GCN1: variants seen among roughly 807,000 people sequenced by gnomAD.
GCN1 encodes the protein stalled ribosome sensor GCN1.
A neutral mutation model predicts 288.4 loss-of-function variants in GCN1; 90 were observed. That is an observed-to-expected ratio of 0.31 (90% CI 0.26 to 0.37). GCN1 has a LOEUF of 0.37. Among genes scored for constraint, GCN1 ranks in the 10% least tolerant of loss-of-function variants. GCN1 has a pLI of 1.00. For missense variants in GCN1, 2,586 were observed against 3,419.9 expected (o/e 0.76, Z 6.08); for synonymous variants, 1,386 against 1,420.2 (o/e 0.98, Z 0.54).
In GCN1 at chr12:120,137,134, G is replaced by T; in HGVS notation, c.6777+72C>A. ...TCCAGCAGCCCCTACCGCAGACCTGGGACAGGGGTAAGGGCCAGAAGGGCA... is the reference window on the plus strand; with the variant it reads ...TCCAGCAGCCCCTACCGCAGACCTGTGACAGGGGTAAGGGCCAGAAGGGCA... On this transcript the variant is annotated intron_variant, in intron 50 of 57. Coordinates refer to ENST00000300648, the MANE Select transcript of GCN1 (RefSeq NM_006836.2). This position sits in a 1 kb window ranked among gnomAD's most constrained non-coding sequence, Gnocchi z 5.2. The T allele has an allele frequency of 9.1e-7, 1 of 1,099,280 alleles. No homozygotes were observed. The allele number at this position is 1,099,280 out of a possible 1,614,324, so 68.1% of individuals were successfully genotyped here.
chr12:120,175,276 T>G, intron 11 of GCN1, 64 bp from the exon 12 acceptor site: 1 of 1,357,316 alleles, frequency 7.4e-7, no homozygotes, highest in Non-Finnish European at 1.1e-6. Flanking sequence ...GAGTGAACAA[T>G]GCAGTCACGT....
chr12:120,142,109 G>A lies in GCN1; in HGVS notation c.5829+398C>T, dbSNP rs538884239. Among the ~76,000 whole-genome samples, 57 of 152,148 alleles carry A rather than the reference G, an allele frequency of 3.7e-4. No individual in the cohort carries two copies. The highest frequency in any genetic ancestry group is 1.3e-3 in the African/African-American group (55 of 41,494). On this transcript the variant is annotated intron_variant, in intron 44 of 57. Transcript: ENST00000300648. This position sits in a 1 kb window ranked among gnomAD's most constrained non-coding sequence, Gnocchi z 4.9. ...TGGGAGGCCGAGACGGGCGCATCAC[G>A]AGGTCAGGAGATCGAGACCGTCCTG...
At chr12:120,182,862 C>T (rs1418194649) in intron 5 of GCN1, among the ~76,000 whole-genome samples, 1 of 151,698 alleles carries the variant, frequency 6.6e-6, no homozygotes. Flanking sequence ...AACGCTTGAA[C>T]CCAGGAGGCA....
chr12:120,193,729 T>C (rs890620400), intron 1 of GCN1, among the ~76,000 whole-genome samples: 1 of 152,226 alleles, frequency 6.6e-6, no homozygotes, highest in Non-Finnish European at 1.5e-5. Flanking sequence ...TCAGCATGTA[T>C]TCCCCTAACC....
At chr12:120,177,295 C>A in intron 9 of GCN1, 152 bp downstream of exon 9, 2 of 582,008 alleles carry the variant, frequency 3.4e-6, no homozygotes, top group African/African-American at 1.9e-5. Flanking sequence ...GCAAAAGGTC[C>A]CCAATCTCTC....
In GCN1 at chr12:120,137,160, C is replaced by A. The variant is rs1173109128; in HGVS notation, c.6777+46G>T. 1.4e-6 allele frequency: 2 copies of A among 1,400,632 alleles called. No individual in the cohort carries two copies. The highest frequency in any genetic ancestry group is 2.0e-6 in the Non-Finnish European group (2 of 986,802). The allele number at this position is 1,400,632 out of a possible 1,614,324, so 86.8% of individuals were successfully genotyped here. On this transcript the variant is annotated intron_variant, in intron 50 of 57. Transcript: ENST00000300648. The surrounding 1 kb of genome is among the most constrained non-coding windows in gnomAD (Gnocchi z 5.2). ...GACAGGGGTAAGGGCCAGAAGGGCA[C>A]AACAGACTGCACGCCCACAGCCCCC...
At chr12:120,161,742 C>G (rs569606384) in intron 21 of GCN1, 138 bp downstream of exon 21, 1 of 962,166 alleles carries the variant, frequency 1.0e-6, no homozygotes. Context: ...AGCACCGTGC[C>G]GGGGACACAA....
chr12:120,193,965 TAAC>T (rs958733872), intron 1 of GCN1, among the ~76,000 whole-genome samples: 1 of 152,184 alleles, frequency 6.6e-6, no homozygotes, highest in African/African-American at 2.4e-5. Context: ...CCTTAAAACA[TAAC>T]AACTGGGTGG....
In GCN1 at chr12:120,158,165, C is replaced by A. The variant is rs749343237; in HGVS notation, c.2906-135G>T. The A allele has an allele frequency of 4.9e-6, 4 of 810,366 alleles. No individual in the cohort carries two copies. The African/African-American group carries it at 6.9e-5, about 14-fold the overall frequency. The allele number at this position is 810,366 out of a possible 1,614,324, so 50.2% of individuals were successfully genotyped here. A position where few individuals can be genotyped will look rare whatever the true frequency, so the allele number is the denominator to read the frequency against. On this transcript the variant is annotated intron_variant, in intron 25 of 57. Coordinates refer to ENST00000300648, the MANE Select transcript of GCN1 (RefSeq NM_006836.2). The surrounding 1 kb of genome is among the most constrained non-coding windows in gnomAD (Gnocchi z 4.3). ...TTCTGACACCTGGAAGCACATGGCA[C>A]GAGGACAGAGACAGCAGCTGGTAGT...
Position 120,153,519 on chromosome 12 carries a change from G to T in GCN1, c.3868-112C>A. The T allele has an allele frequency of 2.0e-6, 2 of 1,011,244 alleles. No homozygotes were observed. The highest frequency in any genetic ancestry group is 1.4e-6 in the Non-Finnish European group (1 of 691,766). 62.6% of individuals were successfully genotyped at this position (1,011,244 alleles called of 1,614,324 possible). On this transcript the variant is annotated intron_variant, in intron 32 of 57. Coordinates refer to ENST00000300648, the MANE Select transcript of GCN1 (RefSeq NM_006836.2). This position sits in a 1 kb window ranked among gnomAD's most constrained non-coding sequence, Gnocchi z 4.4. ...AGTCTAGCTCTGGGACAGGCATCCTGACATGCCAGCCAGTGGCTCTTCCAG... is the reference window on the plus strand; with the variant it reads ...AGTCTAGCTCTGGGACAGGCATCCTTACATGCCAGCCAGTGGCTCTTCCAG...
rs1878203154 is a variant in GCN1 at position 120,168,410 on chromosome 12, CA to C, written c.1520-111del. On this transcript the variant is annotated intron_variant, in intron 15 of 57. Transcript: ENST00000300648. ...GGCTTTGCTGACAAACCCTCCTCTGCAGCAGGAGGCTCAGTGCTCTTCCATT... is the reference window on the plus strand; with the variant it reads ...GGCTTTGCTGACAAACCCTCCTCTGCGCAGGAGGCTCAGTGCTCTTCCATT... 4.1e-6 allele frequency: 3 copies of C among 728,708 alleles called. No individual in the cohort carries two copies. In the South Asian group the frequency reaches 4.5e-5, roughly 11 times the overall value. 45.1% of individuals were successfully genotyped at this position (728,708 alleles called of 1,614,324 possible).
At chr12:120,170,528 G>A (rs867053460) in intron 14 of GCN1, among the ~76,000 whole-genome samples, 11 of 152,250 alleles carry the variant, frequency 7.2e-5, no homozygotes, top group Middle Eastern at 6.8e-3. Flanking sequence ...AATCCTTATG[G>A]CCAGGTGCGG....
chr12:120,173,863 C>T, intron 13 of GCN1, 37 bp from the exon 14 acceptor site: 4 of 1,559,498 alleles, frequency 2.6e-6, no homozygotes, highest in East Asian at 2.2e-5. Context: ...AGTCCAATGT[C>T]TTATAACCAT....
chr12:120,156,093 A>T lies in GCN1; in HGVS notation c.3312+368T>A, dbSNP rs183914937. Among the ~76,000 whole-genome samples, 44 of 152,338 alleles carry T rather than the reference A, an allele frequency of 2.9e-4. No individual in the cohort carries two copies. The highest frequency in any genetic ancestry group is 2.8e-3 in the Admixed American group (43 of 15,298). On this transcript the variant is annotated intron_variant, in intron 28 of 57. Coordinates refer to ENST00000300648, the MANE Select transcript of GCN1 (RefSeq NM_006836.2). This position sits in a 1 kb window ranked among gnomAD's most constrained non-coding sequence, Gnocchi z 5.8. Reference sequence around the variant, plus strand: ...GGCTGTGGATCAGCAGGTAGGAACCACTGTCTTACCACTACAAGGGGATGC... The same window carrying T: ...GGCTGTGGATCAGCAGGTAGGAACCTCTGTCTTACCACTACAAGGGGATGC...
rs562555855 is a variant in GCN1, at chr12:120,192,647, G to T, written c.18+2033C>A. ...CTTGGGAGGCTGAGGCAGAAGAATC[G>T]CTTGAACCCGGGAGGCAGAGGTTGT... On this transcript the variant is annotated intron_variant, in intron 1 of 57. Coordinates refer to ENST00000300648, the MANE Select transcript of GCN1 (RefSeq NM_006836.2). Among the ~76,000 whole-genome samples, 90 of 151,748 alleles carry T rather than the reference G, an allele frequency of 5.9e-4. 1 individual carries two copies. Among genetic ancestry groups the T allele is most frequent in the African/African-American group, 2.1e-3 (86 of 41,364 alleles).
chr12:120,134,262 G>T lies in GCN1; in HGVS notation c.7317+29C>A. 1 of 1,467,108 alleles carries T rather than the reference G, an allele frequency of 6.8e-7. No individual in the cohort carries two copies. Among genetic ancestry groups the T allele is most frequent in the Non-Finnish European group, 9.6e-7 (1 of 1,046,606 alleles). 90.9% of individuals were successfully genotyped at this position (1,467,108 alleles called of 1,614,324 possible). On this transcript the variant is annotated intron_variant, in intron 53 of 57. Transcript: ENST00000300648. This position sits in a 1 kb window ranked among gnomAD's most constrained non-coding sequence, Gnocchi z 5.0. ...GGAGGAGGGAAACCAGTGGTCCAGT[G>T]CTGCCACTAGTCCTGCCTGCAGCCG...
chr12:120,138,829 G>A lies in GCN1; in HGVS notation c.6022C>T (p.Pro2008Ser), dbSNP rs1248862763. The A allele has an allele frequency of 6.2e-7, 1 of 1,613,184 alleles. No homozygotes were observed. Among genetic ancestry groups the A allele is most frequent in the Non-Finnish European group, 8.5e-7 (1 of 1,179,276 alleles). ...AVLYFSESLV[P>S]TARKALCDPL... ...TCACACAAAGCCTTCCTTGCCGTGG[G>A]CACGAGGGATTCAGAGAAATACAGC... The change falls in exon 46 of 58, where the codon CCC (proline) becomes TCC (serine). Residue 2008 changes from proline (P) to serine (S), a missense_variant. Pro to Ser is a moderately conservative substitution (Grantham distance 74). Coordinates refer to ENST00000300648, the MANE Select transcript of GCN1 (RefSeq NM_006836.2).
In GCN1 at chr12:120,145,003, C is replaced by A; in HGVS notation, c.5075G>T (p.Cys1692Phe). 1 of 1,614,062 alleles carries A rather than the reference C, an allele frequency of 6.2e-7. No homozygotes were observed. The change falls in exon 40 of 58, where the codon TGC becomes TTC. Residue 1692 changes from cysteine (C) to phenylalanine (F), a missense_variant. This residue lies in a region of GCN1 where 371 missense variants were observed against 572.6 expected (regional missense o/e 0.65). Transcript: ENST00000300648. ...GAMVKGMGES[C>F]FEDLLPWLME... ...CAGCCACGGCAGCAAGTCCTCAAAGCACGACTCCCCCATGCCCTTCACCAT... is the reference window on the plus strand; with the variant it reads ...CAGCCACGGCAGCAAGTCCTCAAAGAACGACTCCCCCATGCCCTTCACCAT...
Position 120,173,768 on chromosome 12 carries a change from G to C in GCN1, c.1251C>G (p.Phe417Leu). The change falls in exon 14 of 58, where the codon TTC (phenylalanine) becomes TTG (leucine). Residue 417 changes from phenylalanine to leucine, a missense_variant. Coordinates refer to ENST00000300648, the MANE Select transcript of GCN1 (RefSeq NM_006836.2). Reference sequence around the variant, plus strand: ...TGAGCTTCTTGGGCACTTCCATAGTGAATCGGTTACACCAGAGAGCCAGGA... The same window carrying C: ...TGAGCTTCTTGGGCACTTCCATAGTCAATCGGTTACACCAGAGAGCCAGGA... Reference protein sequence around the residue: ...VSVLALWCNRFTMEVPKKLTE... With the variant: ...VSVLALWCNRLTMEVPKKLTE... The C allele has an allele frequency of 6.2e-7, 1 of 1,613,636 alleles. No individual in the cohort carries two copies. The highest frequency in any genetic ancestry group is 1.7e-5 in the Admixed American group (1 of 60,022).
Sources: gnomAD v4.1 joint callset for allele counts (sites outside exome capture counted in the v4.1 genomes callset) on GRCh38, gnomAD v4.1.1 for gene constraint, gnomAD v4.1.1 regional missense constraint, Gnocchi (gnomAD v3.1) non-coding constraint, MANE v1.5 for transcripts, NCBI Gene and HGNC (gene_info 2026-07-23, HGNC 2026-07-21) for gene names.